VEGFD: variants seen among roughly 807,000 people sequenced by gnomAD.
VEGFD encodes the protein c-fos induced growth factor (vascular endothelial growth factor D).
In VEGFD, 26 loss-of-function variants were observed where a neutral mutation model predicts 28.0. That is an observed-to-expected ratio of 0.93 (90% CI 0.68 to 1.29). The LOEUF is 1.29. VEGFD is among the 50% of genes most tolerant of loss of function. The pLI is 0.00. For missense variants in VEGFD, 294 were observed against 273.4 expected (o/e 1.08, Z -0.53); for synonymous variants, 93 against 95.5 (o/e 0.97, Z 0.15).
In VEGFD at chrX:15,375,469, GCTCAGATGGAACCTGCCAAGGGTCTGAT is replaced by G. The variant is rs1424438412; in HGVS notation, c.90+8360_90+8387del. Reference sequence around the variant, plus strand: ...TGCTGTAGCTATGGCTGCTGTGGCTGCTCAGATGGAACCTGCCAAGGGTCTGATCTTGCTTCTCTGAAATCCAGAAACC... The same window carrying G: ...TGCTGTAGCTATGGCTGCTGTGGCTGCTTGCTTCTCTGAAATCCAGAAACC... On this transcript the variant is annotated intron_variant, in intron 1 of 6. Coordinates refer to ENST00000297904, the MANE Select transcript of VEGFD (RefSeq NM_004469.5). 6.3e-5 allele frequency among the ~76,000 whole-genome samples: 7 copies of G among 111,824 alleles called. No individual in the cohort carries two copies. In the Admixed American group the frequency reaches 6.7e-4, roughly 11 times the overall value.
At chrX:15,373,839 G>A (rs75673388) in intron 1 of VEGFD, among the ~76,000 whole-genome samples, 5,503 of 111,156 alleles carry the variant, frequency 0.05, 134 homozygotes, top group South Asian at 0.11. Flanking sequence ...GATGGTTCAA[G>A]CTCAACCAAA....
chrX:15,360,408 G>A (rs1246563351), intron 2 of VEGFD, among the ~76,000 whole-genome samples: 1 of 104,687 alleles, frequency 9.6e-6, no homozygotes, highest in Non-Finnish European at 1.9e-5. Context: ...GCGCGATCTC[G>A]GCTCACTGCA....
chrX:15,346,209 G>A lies in VEGFD; in HGVS notation c.989C>T (p.Thr330Ile), dbSNP rs1425065072. 2 of 1,210,973 alleles carry A rather than the reference G, an allele frequency of 1.7e-6. No individual in the cohort carries two copies. The highest frequency in any genetic ancestry group is 4.3e-5 in the Admixed American group (2 of 46,071). Residue 330 changes from threonine (T) to isoleucine (I), a missense_variant, in exon 7 of 7, where the codon ACA becomes ATA. By Grantham distance (89) the Thr-to-Ile change is moderately conservative. Coordinates refer to ENST00000297904, the MANE Select transcript of VEGFD (RefSeq NM_004469.5). Reference sequence around the variant, plus strand: ...AAAGCGGCAATGCTTTGCACATGCTGTTTTGCCACTTGCACATGGTCTGGT... The same window carrying A: ...AAAGCGGCAATGCTTTGCACATGCTATTTTGCCACTTGCACATGGTCTGGT... Reference protein sequence around the residue: ...FHTRPCASGKTACAKHCRFPK... With the variant: ...FHTRPCASGKIACAKHCRFPK...
At chrX:15,357,325 C>T (rs1413116758) in intron 3 of VEGFD, among the ~76,000 whole-genome samples, 1 of 111,565 alleles carries the variant, frequency 9.0e-6, no homozygotes, top group African/African-American at 3.3e-5. Context: ...CCCCATCAGG[C>T]TCTGTGCCCC....
intron 1 of VEGFD, among the ~76,000 whole-genome samples, chrX:15,371,758 C>A (rs182273110): frequency 5.0e-4 from 56 of 112,321 alleles, no homozygotes; most frequent in Non-Finnish European, 8.6e-4. Context: ...GCATTGTGCT[C>A]ATTCCAAATT....
In VEGFD at chrX:15,346,208, T is replaced by G; in HGVS notation, c.990A>C (p.Thr330=). The stretch of plus-strand genomic sequence containing the variant: ...GAAAGCGGCAATGCTTTGCACATGC[T>G]GTTTTGCCACTTGCACATGGTCTGG... ...FHTRPCASGK[T]ACAKHCRFPK... Residue 330 remains threonine, a synonymous_variant, in exon 7 of 7, where the codon ACA becomes ACC. Coordinates refer to ENST00000297904, the MANE Select transcript of VEGFD (RefSeq NM_004469.5). The G allele has an allele frequency of 8.3e-7, 1 of 1,210,981 alleles. No individual in the cohort carries two copies. The highest frequency in any genetic ancestry group is 1.1e-6 in the Non-Finnish European group (1 of 894,653).
chrX:15,352,263 T>C (rs1489594145), intron 5 of VEGFD, among the ~76,000 whole-genome samples: 2 of 111,906 alleles, frequency 1.8e-5, no homozygotes, highest in South Asian at 3.6e-4. Context: ...TTATAGATTA[T>C]AGTTTAAAAC....
In VEGFD at chrX:15,352,393, G is replaced by A. The variant is rs1922754793; in HGVS notation, c.742+675C>T. 2.8e-5 allele frequency among the ~76,000 whole-genome samples: 3 copies of A among 107,660 alleles called. No individual in the cohort carries two copies. In the South Asian group the frequency reaches 1.2e-3, roughly 44 times the overall value. The allele number at this position is 107,660 out of a possible 115,157, so 93.5% of individuals were successfully genotyped here. ...AAAATGCATTCATTTTCAAGCAAATGTTCATCACCCAAAGTCACAGAATTA... is the reference window on the plus strand; with the variant it reads ...AAAATGCATTCATTTTCAAGCAAATATTCATCACCCAAAGTCACAGAATTA... On this transcript the variant is annotated intron_variant, in intron 5 of 6. Coordinates refer to ENST00000297904, the MANE Select transcript of VEGFD (RefSeq NM_004469.5).
intron 5 of VEGFD, among the ~76,000 whole-genome samples, chrX:15,350,751 TTTC>T (rs1922672437): frequency 9.5e-6 from 1 of 105,818 alleles, no homozygotes; most frequent in African/African-American, 3.5e-5. Flanking sequence ...CCTTCCTTCC[TTTC>T]TTTTTCTTTC....
At chrX:15,374,649 T>C (rs891419454) in intron 1 of VEGFD, among the ~76,000 whole-genome samples, 5 of 111,725 alleles carry the variant, frequency 4.5e-5, no homozygotes, top group African/African-American at 1.3e-4. Flanking sequence ...ATCCTAATTA[T>C]GGTTGTGGTT....
chrX:15,375,634 A>G (rs964876154), intron 1 of VEGFD, among the ~76,000 whole-genome samples: 2 of 112,232 alleles, frequency 1.8e-5, no homozygotes. Flanking sequence ...ATGAATATAT[A>G]TGAAATCCAA....
rs776474991 is a variant in VEGFD, at chrX:15,355,277, A to G, written c.514T>C (p.Leu172=). Residue 172 remains leucine (L), a synonymous_variant, in exon 4 of 7, where the codon TTG becomes CTG. Transcript: ENST00000297904. ...SKQLFEISVP[L]TSVPELVPVK... ...GGCACTAATTCAGGTACTGATGTCA[A>G]AGGCACTGATATCTCAAAGAGCTAC... 3 of 1,193,167 alleles carry G rather than the reference A, an allele frequency of 2.5e-6. No individual in the cohort carries two copies. The African/African-American group carries it at 5.3e-5, about 21-fold the overall frequency.
At chrX:15,347,743 A>C (rs1296076192) in intron 5 of VEGFD, among the ~76,000 whole-genome samples, 1 of 112,080 alleles carries the variant, frequency 8.9e-6, no homozygotes, top group African/African-American at 3.2e-5. Context: ...GATTAAAAGG[A>C]GAGACACACA....
At position 15,353,134 on chromosome X, in the gene VEGFD, T is replaced by C. The variant is rs752539878; in HGVS notation, c.676A>G (p.Met226Val). The C allele has an allele frequency of 2.5e-6, 3 of 1,179,318 alleles. No individual in the cohort carries two copies. Among genetic ancestry groups the C allele is most frequent in the Non-Finnish European group, 3.4e-6 (3 of 873,477 alleles). The change falls in exon 5 of 7, where the codon ATG becomes GTG. Residue 226 changes from methionine (M) to valine (V), a missense_variant. By Grantham distance (21) the Met-to-Val change is conservative (BLOSUM62 1). Coordinates refer to ENST00000297904, the MANE Select transcript of VEGFD (RefSeq NM_004469.5). ...SHSKKLCPIDMLWDSNKCKCV... is the reference protein window; with the variant it reads ...SHSKKLCPIDVLWDSNKCKCV... ...TTACATTTGTTGCTATCCCATAGCA[T>C]GTCAATAGGACAGAGTTTCTTGGAA...
intron 1 of VEGFD, among the ~76,000 whole-genome samples, chrX:15,376,235 T>C (rs1197244988): frequency 8.9e-6 from 1 of 111,842 alleles, no homozygotes; most frequent in Non-Finnish European, 1.9e-5. Context: ...AAGGAGAGGC[T>C]TGAAACTCAC....
At chrX:15,368,698 C>T (rs1176367367) in intron 1 of VEGFD, among the ~76,000 whole-genome samples, 2 of 112,224 alleles carry the variant, frequency 1.8e-5, no homozygotes, top group Non-Finnish European at 3.8e-5. Context: ...GTTTTAATTA[C>T]TAAACCTTTG....
rs1923475521 is a variant in VEGFD, at chrX:15,377,848, T to A, written c.90+6009A>T. 6.3e-5 allele frequency among the ~76,000 whole-genome samples: 7 copies of A among 111,652 alleles called. 1 individual carries two copies. In the South Asian group the frequency reaches 2.6e-3, roughly 42 times the overall value. On this transcript the variant is annotated intron_variant, in intron 1 of 6. Transcript: ENST00000297904. ...GGATACTCAGCCAGCTTCATCCCCA[T>A]GTGGATTTGACCCCAGATGAACCAG...
chrX:15,367,007 G>A (rs920128526), intron 1 of VEGFD, among the ~76,000 whole-genome samples: 3 of 112,230 alleles, frequency 2.7e-5, no homozygotes, highest in Admixed American at 1.9e-4. Context: ...GTGTGTCTGT[G>A]GGTGCATGTT....
chrX:15,379,454 AG>A (rs976309781), intron 1 of VEGFD, among the ~76,000 whole-genome samples: 2 of 111,981 alleles, frequency 1.8e-5, no homozygotes, highest in Non-Finnish European at 3.8e-5. Flanking sequence ...ATGCAGTAGC[AG>A]GGGGCCTCAG....
Sources: gnomAD v4.1 joint callset for allele counts (sites outside exome capture counted in the v4.1 genomes callset) on GRCh38, gnomAD v4.1.1 for gene constraint, MANE v1.5 for transcripts, NCBI Gene and HGNC (gene_info 2026-07-23, HGNC 2026-07-21) for gene names.